The following PHF2 variants were observed in gnomAD, a reference collection of about 807,000 sequenced individuals.
PHF2 encodes the protein lysine-specific demethylase PHF2.
PHF2 carries 27 observed loss-of-function variants against 120.5 expected under a neutral mutation model. That is an observed-to-expected ratio of 0.22 (90% CI 0.17 to 0.31). The LOEUF (loss-of-function observed/expected upper bound fraction) is 0.31. Ranked by LOEUF, PHF2 falls within the 10% of genes least tolerant of loss-of-function variation. The pLI is 1.00. For missense variants in PHF2, 1,024 were observed against 1,434.8 expected (o/e 0.71, Z 4.63); for synonymous variants, 568 against 592.5 (o/e 0.96, Z 0.60).
chr9:93,655,206 T>G (rs1001940426), intron 7 of PHF2, among the ~76,000 whole-genome samples: 1 of 152,020 alleles, frequency 6.6e-6, no homozygotes, highest in Non-Finnish European at 1.5e-5. Flanking sequence ...AATGAACAAT[T>G]AACAGCATTT....
At chr9:93,675,633 C>G (rs773093063) in intron 19 of PHF2, 47 bp from the exon 20 acceptor site, 2 of 1,464,202 alleles carry the variant, frequency 1.4e-6, no homozygotes, top group Non-Finnish European at 1.9e-6. Context: ...GAGGGGTGGA[C>G]AGGCTGTGGC....
At chr9:93,605,883 T>C (rs537152491) in intron 1 of PHF2, among the ~76,000 whole-genome samples, 3 of 152,374 alleles carry the variant, frequency 2.0e-5, no homozygotes, top group Admixed American at 6.5e-5. Flanking sequence ...TGTGCAAGTT[T>C]TTCTGTGTAG....
chr9:93,656,072 C>G lies in PHF2; in HGVS notation c.1040+51C>G. On this transcript the variant is annotated intron_variant, in intron 8 of 21. Transcript: ENST00000359246. The surrounding 1 kb of genome is among the most constrained non-coding windows in gnomAD (Gnocchi z 4.1). The stretch of plus-strand genomic sequence containing the variant: ...TCGGGCTCCGCAGAGCAGCGTCCTC[C>G]CTCTAGCTGGGTCGGTGCTAGATGC... The G allele has an allele frequency of 6.7e-7, 1 of 1,496,918 alleles. No individual in the cohort carries two copies. The highest frequency in any genetic ancestry group is 9.2e-7 in the Non-Finnish European group (1 of 1,090,170). 92.7% of individuals were successfully genotyped at this position (1,496,918 alleles called of 1,614,324 possible). A position where few individuals can be genotyped will look rare whatever the true frequency, so the allele number is the denominator to read the frequency against.
intron 2 of PHF2, among the ~76,000 whole-genome samples, chr9:93,631,701 T>C (rs1045519478): frequency 5.9e-5 from 9 of 151,536 alleles, no homozygotes; most frequent in African/African-American, 1.9e-4. Context: ...GGCTGCCCCA[T>C]GGGGCCTAGG....
In PHF2 at chr9:93,675,714, G is replaced by A. The variant is rs147180315; in HGVS notation, c.2757G>A (p.Arg919=). The A allele has an allele frequency of 3.5e-4, 565 of 1,613,194 alleles. 1 individual carries two copies. The highest frequency in any genetic ancestry group is 4.6e-4 in the Non-Finnish European group (544 of 1,179,914). Residue 919 remains arginine, a synonymous_variant, in exon 20 of 22, where the codon AGG becomes AGA. Transcript: ENST00000359246. ...RVGPSVPRQD[R]PVREGTRVAS... is the part of the protein sequence containing the mutation. ...GCCCATCGGTGCCAAGACAGGACAG[G>A]CCTGTGCGTGAGGGTACACGGGTGG...
intron 1 of PHF2, among the ~76,000 whole-genome samples, chr9:93,597,470 A>G (rs1209902555): frequency 1.3e-5 from 2 of 151,712 alleles, no homozygotes; most frequent in East Asian, 3.9e-4. Flanking sequence ...AAAGGAGAGC[A>G]TGGTGGGCTG....
chr9:93,645,167 G>T (rs1286249866), intron 3 of PHF2, among the ~76,000 whole-genome samples: 3 of 152,222 alleles, frequency 2.0e-5, no homozygotes, highest in Non-Finnish European at 4.4e-5. Context: ...CCATCTTAGT[G>T]GCTCTTGTTC....
chr9:93,667,882 G>A (rs963645527), intron 17 of PHF2, among the ~76,000 whole-genome samples: 1 of 152,204 alleles, frequency 6.6e-6, no homozygotes, highest in Non-Finnish European at 1.5e-5. Flanking sequence ...GATTGAGGAA[G>A]ATGGAGCCTG....
intron 7 of PHF2, 125 bp from the exon 8 acceptor site, chr9:93,655,809 G>A: frequency 1.5e-6 from 1 of 667,162 alleles, no homozygotes; most frequent in Non-Finnish European, 2.7e-6. Context: ...AGGCGGGCAG[G>A]AGCTGGAGCC....
chr9:93,644,606 C>T (rs569763274), intron 3 of PHF2, among the ~76,000 whole-genome samples: 1 of 152,242 alleles, frequency 6.6e-6, no homozygotes, highest in Non-Finnish European at 1.5e-5. Flanking sequence ...CCCTGCTGTC[C>T]TCCTCCCCAG....
intron 1 of PHF2, among the ~76,000 whole-genome samples, chr9:93,598,747 A>G (rs1825378774): frequency 6.6e-6 from 1 of 152,210 alleles, no homozygotes; most frequent in Non-Finnish European, 1.5e-5. Flanking sequence ...GGCTGCTGAC[A>G]ACAAGGCAGG....
At chr9:93,609,205 A>G (rs1825594595) in intron 1 of PHF2, among the ~76,000 whole-genome samples, 1 of 151,868 alleles carries the variant, frequency 6.6e-6, no homozygotes, top group Admixed American at 6.6e-5. Context: ...GTTCCCTCCC[A>G]TACCTTGAAA....
intron 1 of PHF2, among the ~76,000 whole-genome samples, chr9:93,579,311 C>A (rs1218861452): frequency 6.6e-6 from 1 of 152,154 alleles, no homozygotes; most frequent in Admixed American, 6.5e-5. Flanking sequence ...AGTTTGAATA[C>A]TTTTAAACTT....
rs138199711 is a variant in PHF2 at position 93,645,728 on chromosome 9, C to T, written c.399C>T (p.Asp133=). The T allele has an allele frequency of 2.3e-4, 365 of 1,611,892 alleles. 1 individual carries two copies. The highest frequency in any genetic ancestry group is 7.4e-4 in the South Asian group (67 of 90,954). The change falls in exon 4 of 22, where the codon GAC becomes GAT. Residue 133 remains aspartate (D), a synonymous_variant. Transcript: ENST00000359246. Reference sequence around the variant, plus strand: ...AGCCCATCCTCGTCCCTAAGAAAGACGGGCTGGGTCTGGCTGTCCCGGCCC... The same window carrying T: ...AGCCCATCCTCGTCCCTAAGAAAGATGGGCTGGGTCTGGCTGTCCCGGCCC... ...FTEPILVPKK[D]GLGLAVPAPT...
intron 1 of PHF2, among the ~76,000 whole-genome samples, chr9:93,583,684 T>C (rs1862975711): frequency 6.6e-6 from 1 of 152,200 alleles, no homozygotes; most frequent in Non-Finnish European, 1.5e-5. Context: ...TTTCACATGC[T>C]TGTTGGCCAT....
chr9:93,658,114 C>G, intron 9 of PHF2, 31 bp from the exon 10 acceptor site: 3 of 1,497,430 alleles, frequency 2.0e-6, no homozygotes, highest in Non-Finnish European at 2.8e-6. Context: ...CAGCAGGCAC[C>G]CACCCACCTC....
intron 3 of PHF2, among the ~76,000 whole-genome samples, chr9:93,637,078 G>A (rs866979510): frequency 2.6e-5 from 4 of 152,256 alleles, no homozygotes; most frequent in Admixed American, 2.0e-4. Context: ...ATGAGCTGGA[G>A]TCAGTTTCTG....
intron 13 of PHF2, 112 bp from the exon 14 acceptor site, chr9:93,663,405 G>C: frequency 2.7e-6 from 2 of 736,740 alleles, no homozygotes; most frequent in Non-Finnish European, 2.3e-6. Flanking sequence ...AGCTATGGGT[G>C]ACTTTCCTTA....
In PHF2 at chr9:93,576,628, T is replaced by A. The variant is rs1587654056; in HGVS notation, c.-146T>A. The A allele has an allele frequency of 6.9e-6, 1 of 145,734 alleles. No homozygotes were observed. The highest frequency in any genetic ancestry group is 2.5e-5 in the African/African-American group (1 of 39,714). The allele number at this position is 145,734 out of a possible 1,614,324, so 9.0% of individuals were successfully genotyped here. A position where few individuals can be genotyped will look rare whatever the true frequency, so the allele number is the denominator to read the frequency against. ...CCGGGAGCGCGCGCGGGGGCTGTCG[T>A]GCGCCCCCGTCCCCGTCCCCTCCCG... On this transcript the variant is annotated 5_prime_UTR_variant, in exon 1 of 22. Transcript: ENST00000359246.
Sources: allele counts gnomAD v4.1 joint callset (sites outside exome capture counted in the v4.1 genomes callset), GRCh38; gene constraint gnomAD v4.1.1; non-coding constraint Gnocchi (gnomAD v3.1); transcripts MANE v1.5; gene names NCBI Gene and HGNC (gene_info 2026-07-23, HGNC 2026-07-21).